DNAAF4: variants seen among roughly 807,000 people sequenced by gnomAD.
The protein encoded by DNAAF4 is dynein axonemal assembly factor 4.
DNAAF4 carries 43 observed loss-of-function variants against 51.8 expected under a neutral mutation model. The observed-to-expected ratio is 0.83, with a 90% CI of 0.65 to 1.07. DNAAF4 has a LOEUF of 1.07. Ranked by LOEUF, DNAAF4 falls within the 50% of genes least tolerant of loss-of-function variation. The pLI, the probability that DNAAF4 is intolerant of heterozygous loss-of-function variation, is 0.00. For synonymous variants in DNAAF4, 194 were observed against 165.6 expected (o/e 1.17, Z -1.32); for missense variants, 581 against 493.0 (o/e 1.18, Z -1.69).
Position 55,497,829 on chromosome 15 carries a change from A to G in DNAAF4, c.154T>C (p.Phe52Leu). The part of the protein sequence containing the change: ...VNFPPFLFEA[F>L]LYAPIDDESS... ...TCATCGTCTATGGGAGCATAAAGAA[A>G]TGCCTCAAATAAAAATGGAGGAAAG... The change falls in exon 3 of 10, where the codon TTT becomes CTT. Residue 52 changes from phenylalanine to leucine, a missense_variant. Coordinates refer to ENST00000321149, the MANE Select transcript of DNAAF4 (RefSeq NM_130810.4). 1 of 1,612,604 alleles carries G rather than the reference A, an allele frequency of 6.2e-7. No individual in the cohort carries two copies. Among genetic ancestry groups the G allele is most frequent in the East Asian group, 2.2e-5 (1 of 44,864 alleles).
At chr15:55,431,217 A>G (rs763350157) in intron 9 of DNAAF4, among the ~76,000 whole-genome samples, 1 of 151,816 alleles carries the variant, frequency 6.6e-6, no homozygotes, top group Non-Finnish European at 1.5e-5. Flanking sequence ...CCGGCCCCTA[A>G]ATCTATCTAA....
intron 4 of DNAAF4, among the ~76,000 whole-genome samples, chr15:55,488,976 C>G (rs2058531097): frequency 6.6e-6 from 1 of 151,920 alleles, no homozygotes; most frequent in Non-Finnish European, 1.5e-5. Flanking sequence ...GTAGTCCCAC[C>G]TATTCGGGAG....
At chr15:55,502,849 T>C (rs967922732) in intron 1 of DNAAF4, among the ~76,000 whole-genome samples, 2 of 151,636 alleles carry the variant, frequency 1.3e-5, no homozygotes, top group Non-Finnish European at 2.9e-5. Flanking sequence ...CACCCTAACA[T>C]CACAATTAAA....
intron 1 of DNAAF4, 25 bp from the exon 2 acceptor site, chr15:55,498,609 A>AAAAAAAAAAAAAAAAAAAAAAAAAAAAC (rs2058672158): frequency 3.2e-6 from 1 of 315,024 alleles, no homozygotes; most frequent in African/African-American, 2.3e-5. Flanking sequence ...AAAAAAAAAA[A>AAAAAAAAAAAAAAAAAAAAAAAAAAAAC]AAAAGCACTC....
Position 55,498,424 on chromosome 15 carries a change from G to C in DNAAF4, c.-95C>G. ...GGGTTACCATGCGCCAGCCCTTCCG[G>C]GTCAGGCCGGCCGGGAGCCCGGCGT... On this transcript the variant is annotated 5_prime_UTR_variant, in exon 2 of 10. Coordinates refer to ENST00000321149, the MANE Select transcript of DNAAF4 (RefSeq NM_130810.4). 1 of 1,506,152 alleles carries C rather than the reference G, an allele frequency of 6.6e-7. No individual in the cohort carries two copies. The highest frequency in any genetic ancestry group is 8.8e-7 in the Non-Finnish European group (1 of 1,130,132). 93.3% of individuals were successfully genotyped at this position (1,506,152 alleles called of 1,614,324 possible).
At chr15:55,464,559 C>A (rs373157700) in intron 5 of DNAAF4, among the ~76,000 whole-genome samples, 3 of 152,168 alleles carry the variant, frequency 2.0e-5, no homozygotes, top group African/African-American at 7.2e-5. Flanking sequence ...ATGCATCTGA[C>A]GAAGGACTAA....
rs148000017 is a variant in DNAAF4, at chr15:55,469,911, C to G, written c.406-2750G>C. Among the ~76,000 whole-genome samples the G allele has an allele frequency of 2.6e-5, 4 of 152,264 alleles. No individual in the cohort carries two copies. The East Asian group carries it at 5.8e-4, about 22-fold the overall frequency. On this transcript the variant is annotated intron_variant, in intron 4 of 9. Transcript: ENST00000321149. ...TCAATTCCATAAGACAGTCTCCACA[C>G]AGATGCCAATCATAAGTCCAGGACT...
At chr15:55,453,060 C>T (rs1016719100) in intron 5 of DNAAF4, among the ~76,000 whole-genome samples, 2 of 152,140 alleles carry the variant, frequency 1.3e-5, no homozygotes, top group Non-Finnish European at 2.9e-5. Context: ...CTCCTGATCT[C>T]GTGAGCCACC....
At chr15:55,470,143 C>T (rs1041871543) in intron 4 of DNAAF4, among the ~76,000 whole-genome samples, 14 of 152,034 alleles carry the variant, frequency 9.2e-5, no homozygotes, top group African/African-American at 3.4e-4. Context: ...CCTCCGCCTC[C>T]CAGGTTCAAG....
chr15:55,485,994 C>CAA (rs55936805), intron 4 of DNAAF4, among the ~76,000 whole-genome samples: 7,410 of 77,480 alleles, frequency 0.096, 571 homozygotes, highest in Non-Finnish European at 0.15. Context: ...GACTCCATCT[C>CAA]AAAAAAAAAA....
At chr15:55,480,766 C>A (rs537330639) in intron 4 of DNAAF4, among the ~76,000 whole-genome samples, 12 of 152,204 alleles carry the variant, frequency 7.9e-5, no homozygotes, top group African/African-American at 2.9e-4. Context: ...GCTTGGAAGA[C>A]ACTGCCCAAA....
At chr15:55,424,418 A>C (rs1452197551) in intron 7 of DNAAF4, among the ~76,000 whole-genome samples, 1 of 152,204 alleles carries the variant, frequency 6.6e-6, no homozygotes, top group African/African-American at 2.4e-5. Flanking sequence ...AAAATGAAGT[A>C]AGGCACCTAC....
At chr15:55,435,214 A>G (rs146567768) in intron 7 of DNAAF4, among the ~76,000 whole-genome samples, 156 bp from the exon 8 acceptor site, 10 of 152,276 alleles carry the variant, frequency 6.6e-5, no homozygotes, top group African/African-American at 1.9e-4. Flanking sequence ...CTTTTCACAT[A>G]TACCAGCCTG....
At chr15:55,496,957 GGAA>G (rs1189051254) in intron 3 of DNAAF4, among the ~76,000 whole-genome samples, 1 of 151,974 alleles carries the variant, frequency 6.6e-6, no homozygotes, top group East Asian at 1.9e-4. Context: ...CATTAACCAG[GGAA>G]TATTGACTAT....
intron 4 of DNAAF4, 87 bp from the exon 5 acceptor site, chr15:55,467,248 T>C (rs12907185): frequency 7.9e-5 from 95 of 1,202,104 alleles, no homozygotes; most frequent in Non-Finnish European, 1.0e-4. Flanking sequence ...AATTAGTTAT[T>C]CATACCTCTA....
chr15:55,456,208 G>A (rs1047289345), intron 5 of DNAAF4, among the ~76,000 whole-genome samples: 2 of 151,154 alleles, frequency 1.3e-5, no homozygotes, highest in African/African-American at 2.4e-5. Flanking sequence ...AGTGCCTCCC[G>A]AGTAGCTGGG....
At chr15:55,450,806 G>C (rs1470527291) in intron 5 of DNAAF4, among the ~76,000 whole-genome samples, 1 of 152,070 alleles carries the variant, frequency 6.6e-6, no homozygotes, top group Non-Finnish European at 1.5e-5. Context: ...GAACTAATGA[G>C]AACTGGCAAG....
At chr15:55,497,929 GA>G in intron 2 of DNAAF4, 70 bp from the exon 3 acceptor site, 2 of 1,537,268 alleles carry the variant, frequency 1.3e-6, no homozygotes, top group South Asian at 1.3e-5. Context: ...AGAAACACGT[GA>G]AAAAGGTAAA....
intron 3 of DNAAF4, among the ~76,000 whole-genome samples, chr15:55,492,881 T>C (rs2058593659): frequency 6.6e-6 from 1 of 152,220 alleles, no homozygotes; most frequent in African/African-American, 2.4e-5. Context: ...AATGCATTAA[T>C]ATATAGCAAC....
Sources: gnomAD v4.1 joint callset for allele counts (sites outside exome capture counted in the v4.1 genomes callset) on GRCh38, gnomAD v4.1.1 for gene constraint, MANE v1.5 for transcripts, NCBI Gene and HGNC (gene_info 2026-07-23, HGNC 2026-07-21) for gene names.